LGR6: variants seen among roughly 807,000 people sequenced by gnomAD.
LGR6 encodes the protein leucine rich repeat containing G protein-coupled receptor 6.
LGR6 carries 45 observed loss-of-function variants against 69.4 expected under a neutral mutation model. That is an observed-to-expected ratio of 0.65 (90% CI 0.51 to 0.83). The LOEUF (loss-of-function observed/expected upper bound fraction) is 0.83. Ranked by LOEUF, LGR6 falls within the 40% of genes least tolerant of loss-of-function variation. LGR6 has a pLI of 0.00. For synonymous variants in LGR6, 538 were observed against 555.0 expected, an observed-to-expected ratio of 0.97 and a Z score of 0.43; for missense variants, 1,108 against 1,246.7, an observed-to-expected ratio of 0.89 and a Z score of 1.68.
intron 1 of LGR6, 143 bp from the exon 2 acceptor site, chr1:202,225,280 C>G (rs1046797093): frequency 8.3e-6 from 6 of 722,368 alleles, no homozygotes; most frequent in Middle Eastern, 3.6e-4. Context: ...CTGCTGTTGT[C>G]AGACTGGCTT....
chr1:202,281,998 C>G (rs1666041108), intron 6 of LGR6, among the ~76,000 whole-genome samples: 1 of 152,086 alleles, frequency 6.6e-6, no homozygotes, highest in Non-Finnish European at 1.5e-5. Flanking sequence ...AGGCTGAGAC[C>G]CAAGCTCCAC....
intron 3 of LGR6, among the ~76,000 whole-genome samples, chr1:202,230,846 G>T (rs902402244): frequency 6.6e-6 from 1 of 152,166 alleles, no homozygotes; most frequent in Admixed American, 6.5e-5. Flanking sequence ...CATCTAGAAA[G>T]ACTCCTGCTG....
intron 1 of LGR6, among the ~76,000 whole-genome samples, chr1:202,224,957 C>T (rs1242949520): frequency 6.6e-6 from 1 of 152,212 alleles, no homozygotes; most frequent in Non-Finnish European, 1.5e-5. Flanking sequence ...ACTGAATGAG[C>T]CTGCTCCATA....
intron 1 of LGR6, among the ~76,000 whole-genome samples, chr1:202,195,545 C>T (rs924809495): frequency 9.9e-5 from 15 of 152,188 alleles, no homozygotes; most frequent in Non-Finnish European, 1.6e-4. Flanking sequence ...TAGGTGACGG[C>T]AGAGGCAATC....
chr1:202,315,466 A>G (rs1654073237), intron 17 of LGR6, among the ~76,000 whole-genome samples: 1 of 152,278 alleles, frequency 6.6e-6, no homozygotes, highest in African/African-American at 2.4e-5. Context: ...AAAGCAAAAA[A>G]GAAAATTCTC....
At chr1:202,201,190 G>A (rs114664315) in intron 1 of LGR6, among the ~76,000 whole-genome samples, 1,650 of 152,238 alleles carry the variant, frequency 0.011, 37 homozygotes, top group African/African-American at 0.038. Flanking sequence ...AGCACGGTGA[G>A]GATACCTTCC....
chr1:202,227,217 T>A (rs1385096405), intron 2 of LGR6, among the ~76,000 whole-genome samples: 1 of 152,216 alleles, frequency 6.6e-6, no homozygotes, highest in Admixed American at 6.5e-5. Flanking sequence ...TCTCCACATC[T>A]ACAAGCCTCT....
At chr1:202,297,662 C>T (rs891294166) in intron 7 of LGR6, 86 bp downstream of exon 7, 1 of 1,010,588 alleles carries the variant, frequency 9.9e-7, no homozygotes, top group African/African-American at 1.6e-5. Context: ...ATGCTCTTAC[C>T]TCCTCACCTC....
chr1:202,253,438 G>GT (rs1663444756), intron 4 of LGR6, among the ~76,000 whole-genome samples: 1 of 151,396 alleles, frequency 6.6e-6, no homozygotes, highest in Non-Finnish European at 1.5e-5. Context: ...AAGTAGCTGG[G>GT]ATCACAGGTG....
chr1:202,232,166 G>A (rs1661139673), intron 3 of LGR6, among the ~76,000 whole-genome samples: 1 of 151,842 alleles, frequency 6.6e-6, no homozygotes, highest in South Asian at 2.1e-4. Context: ...GAGGTCTCTG[G>A]TTAAAGTGAG....
At chr1:202,202,857 T>C (rs1658886007) in intron 1 of LGR6, among the ~76,000 whole-genome samples, 1 of 152,182 alleles carries the variant, frequency 6.6e-6, no homozygotes, top group Non-Finnish European at 1.5e-5. Flanking sequence ...CCTTTGCCCT[T>C]GGAGGTGCTG....
chr1:202,235,062 G>C (rs917093787), intron 3 of LGR6, among the ~76,000 whole-genome samples: 2 of 152,170 alleles, frequency 1.3e-5, no homozygotes, highest in African/African-American at 4.8e-5. Context: ...CTGTGCCTCA[G>C]GGGACTCCCT....
At chr1:202,206,791 A>C (rs1659252841) in intron 1 of LGR6, among the ~76,000 whole-genome samples, 1 of 152,074 alleles carries the variant, frequency 6.6e-6, no homozygotes, top group South Asian at 2.1e-4. Flanking sequence ...GCTGGTCTTG[A>C]ACTTGCTGGG....
chr1:202,299,561 C>T (rs918502658), intron 7 of LGR6, among the ~76,000 whole-genome samples: 2 of 152,132 alleles, frequency 1.3e-5, no homozygotes, highest in African/African-American at 2.4e-5. Flanking sequence ...GAGGACAGGG[C>T]CCCTGTCTTA....
chr1:202,264,926 A>G (rs571881697), intron 4 of LGR6, among the ~76,000 whole-genome samples: 1 of 152,278 alleles, frequency 6.6e-6, no homozygotes, highest in East Asian at 1.9e-4. Context: ...GAGTTGAGGC[A>G]TTAGCATAGC....
Position 202,305,956 on chromosome 1 carries a change from C to T in LGR6, c.1136+207C>T, listed in dbSNP as rs796620197. 3.9e-5 allele frequency among the ~76,000 whole-genome samples: 6 copies of T among 152,274 alleles called. 1 individual carries two copies. The highest frequency in any genetic ancestry group is 1.4e-4 in the African/African-American group (6 of 41,544). On this transcript the variant is annotated intron_variant, in intron 12 of 17. Coordinates refer to ENST00000367278, the MANE Select transcript of LGR6 (RefSeq NM_001017403.2). ...GGCCCTAGGACTCACAGCAGAAGACCGACCCAGGAGCTGGTGCCCAAAAGG... is the reference window on the plus strand; with the variant it reads ...GGCCCTAGGACTCACAGCAGAAGACTGACCCAGGAGCTGGTGCCCAAAAGG...
At position 202,236,308 on chromosome 1, in the gene LGR6, A is replaced by G. The variant is rs1558024131; in HGVS notation, c.428+315A>G. The G allele has an allele frequency of 7.8e-6, 3 of 382,256 alleles. No homozygotes were observed. In the East Asian group the frequency reaches 1.6e-4, roughly 20 times the overall value. 23.7% of individuals were successfully genotyped at this position (382,256 alleles called of 1,614,324 possible). ...GGGGCGACTGGTGTTCTGCCATTGG[A>G]GCCTGGGTTTAGGGGTGGAGACTGC... On this transcript the variant is annotated intron_variant, in intron 4 of 17. Transcript: ENST00000367278.
intron 6 of LGR6, among the ~76,000 whole-genome samples, chr1:202,291,549 G>T (rs971331791): frequency 3.3e-5 from 5 of 152,208 alleles, no homozygotes; most frequent in African/African-American, 9.7e-5. Flanking sequence ...GTGGCCTTGT[G>T]CCTGTGCTGT....
chr1:202,204,709 A>C (rs867268669), intron 1 of LGR6, among the ~76,000 whole-genome samples: 61 of 107,532 alleles, frequency 5.7e-4, no homozygotes, highest in Non-Finnish European at 8.3e-4. Context: ...ACACACACAC[A>C]CCTAACACAC....
Sources: gnomAD v4.1 joint callset for allele counts (sites outside exome capture counted in the v4.1 genomes callset) on GRCh38, gnomAD v4.1.1 for gene constraint, MANE v1.5 for transcripts, NCBI Gene and HGNC (gene_info 2026-07-23, HGNC 2026-07-21) for gene names.